Variants in THSD7B observed in about 807,000 individuals in gnomAD.
The protein encoded by THSD7B is thrombospondin type-1 domain-containing protein 7B.
THSD7B carries 138 observed loss-of-function variants against 213.6 expected under a neutral mutation model. The ratio of observed to expected loss-of-function variants is 0.65; its 90% CI spans 0.56 to 0.74. The LOEUF (loss-of-function observed/expected upper bound fraction) is 0.74, where lower values mean the gene tolerates loss of function less well. Ranked by LOEUF, THSD7B falls within the 30% of genes least tolerant of loss-of-function variation. The probability of loss-of-function intolerance (pLI) is 0.00; values close to 1 mark genes in which losing one functional copy is unlikely to be tolerated. For missense variants in THSD7B, 1,931 were observed against 1,991.5 expected (o/e 0.97, Z 0.58); for synonymous variants, 742 against 687.0 (o/e 1.08, Z -1.25).
intron 5 of THSD7B, among the ~76,000 whole-genome samples, chr2:137,152,897 C>A (rs1329062817): frequency 6.6e-6 from 1 of 152,096 alleles, no homozygotes; most frequent in Non-Finnish European, 1.5e-5. Context: ...TTTTCTTGAC[C>A]ACTTCCCTAT....
rs1226920256 is a variant in THSD7B, at chr2:137,373,618, G to C, written c.2501-31995G>C. On this transcript the variant is annotated intron_variant, in intron 12 of 27. Coordinates refer to ENST00000409968, the MANE Select transcript of THSD7B (RefSeq NM_001316349.2). ...TATTAGCCCTTTCTCAGATGAGTAG[G>C]TTGCAAAAATTTTCTCCCATTTTGT... is the stretch of plus-strand genomic sequence containing the variant. Among the ~76,000 whole-genome samples the C allele has an allele frequency of 6.6e-5, 10 of 152,200 alleles. No individual in the cohort carries two copies. The South Asian group carries it at 2.1e-3, about 32-fold the overall frequency.
At chr2:137,026,403 C>T (rs764155377) in intron 2 of THSD7B, among the ~76,000 whole-genome samples, 2 of 152,194 alleles carry the variant, frequency 1.3e-5, no homozygotes, top group African/African-American at 4.8e-5. Context: ...TGGGAAGTAT[C>T]TCTGCTTTAG....
At chr2:137,571,591 A>G (rs1019797573) in intron 16 of THSD7B, among the ~76,000 whole-genome samples, 1 of 152,144 alleles carries the variant, frequency 6.6e-6, no homozygotes, top group Non-Finnish European at 1.5e-5. Context: ...CCAGCTTTTG[A>G]TATTTTCCAT....
intron 20 of THSD7B, among the ~76,000 whole-genome samples, chr2:137,630,752 C>T (rs1005071294): frequency 6.6e-6 from 1 of 152,148 alleles, no homozygotes; most frequent in African/African-American, 2.4e-5. Flanking sequence ...TTTGTAGGAG[C>T]CGCTTTCTCT....
intron 2 of THSD7B, among the ~76,000 whole-genome samples, chr2:136,926,340 T>C (rs1445089640): frequency 6.6e-6 from 1 of 151,668 alleles, no homozygotes; most frequent in African/African-American, 2.4e-5. Context: ...TAAACCCCCA[T>C]GACATAAGTT....
chr2:137,542,699 A>C (rs954356176), intron 15 of THSD7B, among the ~76,000 whole-genome samples: 42 of 151,768 alleles, frequency 2.8e-4, no homozygotes, highest in African/African-American at 9.4e-4. Flanking sequence ...TATTCAAGGG[A>C]AACAATAGCC....
At chr2:136,869,081 C>T (rs545843352) in intron 1 of THSD7B, among the ~76,000 whole-genome samples, 4 of 152,096 alleles carry the variant, frequency 2.6e-5, no homozygotes, top group Non-Finnish European at 4.4e-5. Flanking sequence ...GATTTAACTT[C>T]CTTTTTTTAT....
At chr2:136,888,889 A>G (rs1383170578) in intron 2 of THSD7B, among the ~76,000 whole-genome samples, 9 of 152,088 alleles carry the variant, frequency 5.9e-5, no homozygotes, top group Admixed American at 5.9e-4. Context: ...AATAAGAATA[A>G]AATATGAAAA....
At chr2:137,082,345 G>A (rs1282974422) in intron 3 of THSD7B, among the ~76,000 whole-genome samples, 1 of 152,076 alleles carries the variant, frequency 6.6e-6, no homozygotes, top group Non-Finnish European at 1.5e-5. Context: ...AATGGAGAAT[G>A]CAAAGGTAAT....
intron 3 of THSD7B, among the ~76,000 whole-genome samples, chr2:137,082,556 G>A (rs759301303): frequency 2.6e-4 from 39 of 152,042 alleles, no homozygotes; most frequent in Non-Finnish European, 4.0e-4. Flanking sequence ...ACATAATTTC[G>A]GTCTAAAAGG....
intron 15 of THSD7B, among the ~76,000 whole-genome samples, chr2:137,524,092 A>G (rs1680235576): frequency 6.6e-6 from 1 of 152,162 alleles, no homozygotes; most frequent in South Asian, 2.1e-4. Flanking sequence ...CCCAACAATG[A>G]CAACAACAGA....
In THSD7B at chr2:137,667,823, C is replaced by T. The variant is rs1369577299; in HGVS notation, c.4701C>T (p.Leu1567=). The T allele has an allele frequency of 1.2e-6, 2 of 1,604,572 alleles. No homozygotes were observed. Among genetic ancestry groups the T allele is most frequent in the Non-Finnish European group, 1.7e-6 (2 of 1,174,814 alleles). Residue 1567 remains leucine, a synonymous_variant, in exon 27 of 28, where the codon CTC becomes CTT. Coordinates refer to ENST00000409968, the MANE Select transcript of THSD7B (RefSeq NM_001316349.2). The stretch of plus-strand genomic sequence containing the variant: ...ATGGCGTTTCAGGTGGCGCTTTTCT[C>T]ATCATGATTTTCCTAATATTTACTT... ...WVYGVSGGAF[L]IMIFLIFTSY...
At chr2:137,203,394 C>G (rs1372892193) in intron 7 of THSD7B, among the ~76,000 whole-genome samples, 1 of 151,960 alleles carries the variant, frequency 6.6e-6, no homozygotes, top group Non-Finnish European at 1.5e-5. Context: ...GTAAGAACAA[C>G]TAATTCAAAC....
At chr2:137,551,117 G>GA (rs1680839043) in intron 15 of THSD7B, among the ~76,000 whole-genome samples, 1 of 151,868 alleles carries the variant, frequency 6.6e-6, no homozygotes, top group Admixed American at 6.6e-5. Flanking sequence ...GAACTTCTCA[G>GA]AAAAAATTAT....
At position 137,213,543 on chromosome 2, in the gene THSD7B, T is replaced by C. The variant is rs150323201; in HGVS notation, c.1724-17501T>C. Among the ~76,000 whole-genome samples, 814 of 149,914 alleles carry C rather than the reference T, an allele frequency of 5.4e-3. 13 individuals are homozygous for C. Among genetic ancestry groups the C allele is most frequent in the East Asian group, 0.033 (169 of 5,136 alleles). On this transcript the variant is annotated intron_variant, in intron 7 of 27. Transcript: ENST00000409968. ...TATAATTTAATAGTATGATATGGTA[T>C]ATGTAATTTATATATGTGGATAATC...
intron 7 of THSD7B, among the ~76,000 whole-genome samples, chr2:137,226,339 G>GT (rs961620601): frequency 4.0e-5 from 6 of 150,878 alleles, no homozygotes; most frequent in African/African-American, 7.3e-5. Context: ...GGTTGTCTAG[G>GT]TTTTTTTTAT....
At chr2:137,507,458 C>T (rs747958173) in intron 15 of THSD7B, among the ~76,000 whole-genome samples, 2 of 152,166 alleles carry the variant, frequency 1.3e-5, no homozygotes, top group Non-Finnish European at 2.9e-5. Context: ...TAGTCAGATT[C>T]AGAGCTGTCC....
intron 2 of THSD7B, among the ~76,000 whole-genome samples, chr2:136,912,346 AAAG>A (rs1477188217): frequency 1.3e-5 from 2 of 151,006 alleles, no homozygotes; most frequent in African/African-American, 4.9e-5. Context: ...AAAAAAAAAA[AAAG>A]GAGAGAGGAA....
At chr2:137,528,538 T>C (rs565196396) in intron 15 of THSD7B, among the ~76,000 whole-genome samples, 1 of 152,252 alleles carries the variant, frequency 6.6e-6, no homozygotes, top group South Asian at 2.1e-4. Context: ...TCTTGATTTA[T>C]GCAAACCTAG....
Sources: allele counts gnomAD v4.1 joint callset (sites outside exome capture counted in the v4.1 genomes callset), GRCh38; gene constraint gnomAD v4.1.1; transcripts MANE v1.5; gene names NCBI Gene and HGNC (gene_info 2026-07-23, HGNC 2026-07-21).